Variants in NPSR1 observed in about 807,000 individuals in gnomAD.
NPSR1 encodes the protein neuropeptide S receptor 1.
A neutral mutation model predicts 46.9 loss-of-function variants in NPSR1; 48 were observed. That is an observed-to-expected ratio of 1.02 (90% confidence interval 0.81 to 1.30). The LOEUF (loss-of-function observed/expected upper bound fraction) is 1.30. Ranked by LOEUF, NPSR1 falls within the 50% of genes most tolerant of loss-of-function variation. The pLI, the probability that NPSR1 is intolerant of heterozygous loss-of-function variation, is 0.00. For missense variants in NPSR1, 450 were observed against 449.5 expected (o/e 1.00, Z -0.01); for synonymous variants, 176 against 168.1 (o/e 1.05, Z -0.36).
At chr7:34,749,136 G>A (rs1785372309) in intron 2 of NPSR1, among the ~76,000 whole-genome samples, 1 of 152,070 alleles carries the variant, frequency 6.6e-6, no homozygotes, top group Non-Finnish European at 1.5e-5. Context: ...TTCTCCCTCT[G>A]CAATGTTCAT....
intron 1 of NPSR1, among the ~76,000 whole-genome samples, chr7:34,661,383 C>T (rs944836856): frequency 6.6e-6 from 1 of 152,170 alleles, no homozygotes; most frequent in African/African-American, 2.4e-5. Context: ...CCTGGGGAAT[C>T]CATCTCTATT....
intron 2 of NPSR1, among the ~76,000 whole-genome samples, chr7:34,763,033 T>C (rs1786250970): frequency 6.6e-6 from 1 of 152,232 alleles, no homozygotes; most frequent in African/African-American, 2.4e-5. Flanking sequence ...GTGACCTTTG[T>C]GTTTTAAGGA....
At chr7:34,690,876 AACTCCTAGAAG>A (rs1040959821) in intron 2 of NPSR1, among the ~76,000 whole-genome samples, 3 of 152,150 alleles carry the variant, frequency 2.0e-5, no homozygotes, top group African/African-American at 7.2e-5. Flanking sequence ...AAACTCAAAA[AACTCCTAGAAG>A]ACACATCGTG....
At chr7:34,855,419 A>G (rs563087938) in intron 8 of NPSR1, among the ~76,000 whole-genome samples, 14 of 152,254 alleles carry the variant, frequency 9.2e-5, no homozygotes, top group African/African-American at 3.4e-4. Context: ...TGATATCACT[A>G]TAGATCCTAG....
chr7:34,858,832 T>C (rs1791117255), intron 8 of NPSR1, among the ~76,000 whole-genome samples: 1 of 151,496 alleles, frequency 6.6e-6, no homozygotes, highest in African/African-American at 2.4e-5. Flanking sequence ...CCACAACATG[T>C]GGGAATTATG....
chr7:34,674,065 T>C (rs1792193241), intron 1 of NPSR1, among the ~76,000 whole-genome samples: 1 of 152,192 alleles, frequency 6.6e-6, no homozygotes, highest in Non-Finnish European at 1.5e-5. Flanking sequence ...AGGAGATGGC[T>C]GTCAGGGAGA....
chr7:34,790,672 T>C (rs959935479), intron 3 of NPSR1, among the ~76,000 whole-genome samples: 1 of 142,410 alleles, frequency 7.0e-6, no homozygotes, highest in African/African-American at 2.5e-5. Context: ...AAATATATGT[T>C]ATATGTTCTA....
intron 4 of NPSR1, among the ~76,000 whole-genome samples, chr7:34,821,370 T>C (rs1430476234): frequency 6.6e-6 from 1 of 151,994 alleles, no homozygotes; most frequent in Non-Finnish European, 1.5e-5. Flanking sequence ...GCTCAAGCAA[T>C]CCACCTTGGC....
At chr7:34,830,519 T>C (rs1478582325) in intron 5 of NPSR1, among the ~76,000 whole-genome samples, 1 of 152,254 alleles carries the variant, frequency 6.6e-6, no homozygotes, top group Non-Finnish European at 1.5e-5. Flanking sequence ...ATGCCACTTT[T>C]CTTGTTTAAA....
At chr7:34,713,856 C>T (rs185117420) in intron 2 of NPSR1, among the ~76,000 whole-genome samples, 160 of 152,354 alleles carry the variant, frequency 1.1e-3, no homozygotes, top group African/African-American at 3.4e-3. Flanking sequence ...GCACTATGTG[C>T]GAGGCGCCAC....
At chr7:34,793,934 G>A (rs1388500482) in intron 3 of NPSR1, among the ~76,000 whole-genome samples, 2 of 152,152 alleles carry the variant, frequency 1.3e-5, no homozygotes, top group East Asian at 3.8e-4. Context: ...AGATGAACCT[G>A]GAGAACATTG....
At chr7:34,684,900 C>T (rs974996280) in intron 2 of NPSR1, among the ~76,000 whole-genome samples, 1 of 152,138 alleles carries the variant, frequency 6.6e-6, no homozygotes, top group Non-Finnish European at 1.5e-5. Context: ...TAACTCACTA[C>T]ACTAATGGAA....
intron 5 of NPSR1, 48 bp downstream of exon 5, chr7:34,827,650 G>GT: frequency 8.2e-6 from 5 of 612,066 alleles, no homozygotes; most frequent in South Asian, 4.4e-5. Flanking sequence ...GGGCGGGGGG[G>GT]GCTTTCCTGT....
At chr7:34,720,137 A>C (rs34760652) in intron 2 of NPSR1, among the ~76,000 whole-genome samples, 17,247 of 152,008 alleles carry the variant, frequency 0.11, 1,360 homozygotes, top group African/African-American at 0.22. Context: ...AAAATTAGCC[A>C]GGTGTAGTGG....
intron 2 of NPSR1, chr7:34,750,231 G>T (rs1785450294): frequency 3.3e-6 from 2 of 604,924 alleles, no homozygotes; most frequent in South Asian, 1.7e-5. Flanking sequence ...GGGAGGAAAG[G>T]AACAGGCAAG....
At chr7:34,852,759 C>T (rs1434545818), downstream of NPSR1, among the ~76,000 whole-genome samples, 1 of 152,066 alleles carries the variant, frequency 6.6e-6, no homozygotes. Context: ...GCCAGCAGGA[C>T]GATACCTAAA....
chr7:34,849,677 T>C lies in NPSR1; in HGVS notation c.*22T>C, dbSNP rs1790877263. On this transcript the variant is annotated 3_prime_UTR_variant, in exon 9 of 9. Transcript: ENST00000360581. ...CTAGACCCTAGGGCAGTGCCAGTGCTAGGCTGAGCACCATCAGCTCTCCCA... is the reference window on the plus strand; with the variant it reads ...CTAGACCCTAGGGCAGTGCCAGTGCCAGGCTGAGCACCATCAGCTCTCCCA... The C allele has an allele frequency of 1.2e-6, 2 of 1,613,262 alleles. No homozygotes were observed. Among genetic ancestry groups the C allele is most frequent in the Admixed American group, 3.3e-5 (2 of 59,926 alleles).
intron 2 of NPSR1, among the ~76,000 whole-genome samples, chr7:34,715,763 A>G (rs552188800): frequency 6.6e-6 from 1 of 152,246 alleles, no homozygotes; most frequent in East Asian, 1.9e-4. Flanking sequence ...TACTCCAAAG[A>G]TGTGCTGGGT....
intron 4 of NPSR1, among the ~76,000 whole-genome samples, chr7:34,822,972 G>A (rs1327095453): frequency 6.6e-6 from 1 of 152,000 alleles, no homozygotes; most frequent in African/African-American, 2.4e-5. Flanking sequence ...AATTATAAAT[G>A]GAAAATATTT....
Sources: allele counts gnomAD v4.1 joint callset (sites outside exome capture counted in the v4.1 genomes callset), GRCh38; gene constraint gnomAD v4.1.1; transcripts MANE v1.5; gene names NCBI Gene and HGNC (gene_info 2026-07-23, HGNC 2026-07-21).